Variants in CSMD1 observed in about 807,000 individuals in gnomAD.
CSMD1 encodes the protein CUB and Sushi multiple domains 1, also known as CUB and sushi domain-containing protein 1.
Under a neutral mutation model 417.5 loss-of-function variants are expected in CSMD1, and 213 were observed. The observed-to-expected ratio is 0.51, with a 90% CI of 0.46 to 0.57. CSMD1 has a LOEUF of 0.57. Among genes scored for constraint, CSMD1 ranks in the 20% least tolerant of loss-of-function variants. The probability of loss-of-function intolerance (pLI) is 0.00; values close to 1 mark genes in which losing one functional copy is unlikely to be tolerated. For synonymous variants in CSMD1, 2,862 were observed against 1,736.8 expected (o/e 1.65, Z -16.11); for missense variants, 6,923 against 4,529.7 (o/e 1.53, Z -15.17).
chr8:4,194,244 C>G (rs1043336820), intron 3 of CSMD1, among the ~76,000 whole-genome samples: 2 of 152,002 alleles, frequency 1.3e-5, no homozygotes, highest in Admixed American at 6.6e-5. Flanking sequence ...GCTTTTAACA[C>G]CAAATGAGGA....
intron 2 of CSMD1, among the ~76,000 whole-genome samples, chr8:4,526,383 A>G (rs1230598200): frequency 5.3e-5 from 8 of 152,242 alleles, no homozygotes; most frequent in African/African-American, 1.9e-4. Flanking sequence ...CTCCTCCTTC[A>G]ACAAGAATTG....
intron 3 of CSMD1, among the ~76,000 whole-genome samples, chr8:4,083,245 T>C (rs888247703): frequency 6.6e-6 from 1 of 152,138 alleles, no homozygotes; most frequent in Admixed American, 6.5e-5. Context: ...TGTAAAAGTG[T>C]TCTTATTTCT....
intron 3 of CSMD1, among the ~76,000 whole-genome samples, chr8:4,071,317 A>G (rs768321273): frequency 2.0e-5 from 3 of 152,034 alleles, no homozygotes; most frequent in Non-Finnish European, 4.4e-5. Flanking sequence ...TGATTAGATA[A>G]TTTCCATTGG....
At chr8:4,674,313 G>A (rs7843255) in intron 1 of CSMD1, among the ~76,000 whole-genome samples, 14,902 of 152,028 alleles carry the variant, frequency 0.098, 1,217 homozygotes, top group African/African-American at 0.23. Flanking sequence ...CTGGATTGAG[G>A]CTGAAAAAAA....
intron 1 of CSMD1, among the ~76,000 whole-genome samples, chr8:4,792,504 T>A (rs1391891819): frequency 6.6e-6 from 1 of 152,230 alleles, no homozygotes; most frequent in East Asian, 1.9e-4. Context: ...CCCTGGGCAG[T>A]TGTGGTTGCT....
At chr8:4,285,059 A>C (rs1051062830) in intron 3 of CSMD1, among the ~76,000 whole-genome samples, 1 of 152,194 alleles carries the variant, frequency 6.6e-6, no homozygotes, top group Non-Finnish European at 1.5e-5. Flanking sequence ...ATAACACAAT[A>C]GTCAGAATGA....
chr8:3,662,572 G>A (rs752034018), intron 7 of CSMD1, among the ~76,000 whole-genome samples: 2 of 152,192 alleles, frequency 1.3e-5, no homozygotes, highest in East Asian at 3.9e-4. Context: ...GGGATCGCTA[G>A]GTCAAATGGT....
At chr8:4,114,374 CCTA>C (rs1802021344) in intron 3 of CSMD1, among the ~76,000 whole-genome samples, 1 of 152,156 alleles carries the variant, frequency 6.6e-6, no homozygotes, top group Non-Finnish European at 1.5e-5. Flanking sequence ...ACTGTTGAGA[CCTA>C]CTGCTAGGAA....
chr8:4,658,460 G>C (rs1408551930), intron 1 of CSMD1, among the ~76,000 whole-genome samples: 1 of 152,044 alleles, frequency 6.6e-6, no homozygotes, highest in Non-Finnish European at 1.5e-5. Flanking sequence ...TTTTAAAGCA[G>C]TGACGCAAAA....
intron 3 of CSMD1, among the ~76,000 whole-genome samples, chr8:4,232,326 G>T (rs538400243): frequency 5.9e-5 from 9 of 151,936 alleles, no homozygotes; most frequent in Non-Finnish European, 1.0e-4. Context: ...AGCCTCCCTA[G>T]TACCTGGGAT....
At chr8:3,302,829 A>G (rs1346819832) in intron 25 of CSMD1, among the ~76,000 whole-genome samples, 1 of 152,082 alleles carries the variant, frequency 6.6e-6, no homozygotes, top group Non-Finnish European at 1.5e-5. Context: ...TATGGTTGGG[A>G]GCTGGTGTTA....
At chr8:2,955,015 A>G (rs1802902134) in intron 64 of CSMD1, among the ~76,000 whole-genome samples, 1 of 152,230 alleles carries the variant, frequency 6.6e-6, no homozygotes, top group Non-Finnish European at 1.5e-5. Flanking sequence ...AGCTATCGTC[A>G]AATCTGACCC....
intron 26 of CSMD1, among the ~76,000 whole-genome samples, chr8:3,236,683 C>A (rs73185532): frequency 0.084 from 12,833 of 152,212 alleles, 712 homozygotes; most frequent in Admixed American, 0.15. Context: ...ATTCCTCTTC[C>A]AGGGCTGTAT....
At chr8:4,868,568 A>C (rs1036773636) in intron 1 of CSMD1, among the ~76,000 whole-genome samples, 1 of 152,096 alleles carries the variant, frequency 6.6e-6, no homozygotes, top group South Asian at 2.1e-4. Flanking sequence ...CGTTATTATT[A>C]AAAAACCAAT....
chr8:4,531,753 A>G (rs1796827856), intron 2 of CSMD1, among the ~76,000 whole-genome samples: 1 of 152,204 alleles, frequency 6.6e-6, no homozygotes, highest in African/African-American at 2.4e-5. Context: ...TCACTCTCTA[A>G]AAGTATACAA....
At chr8:3,574,840 G>C (rs1564573) in intron 10 of CSMD1, 105 bp downstream of exon 10, 1 of 1,301,936 alleles carries the variant, frequency 7.7e-7, no homozygotes, top group Non-Finnish European at 1.0e-6. Context: ...AATTCAAACA[G>C]TAAAGTGTAA....
chr8:4,671,343 T>A (rs1379661585), intron 1 of CSMD1, among the ~76,000 whole-genome samples: 1 of 152,080 alleles, frequency 6.6e-6, no homozygotes, highest in African/African-American at 2.4e-5. Flanking sequence ...ACCTAATTGA[T>A]GCTGTTTATC....
chr8:3,004,385 G>C (rs1038789488), intron 52 of CSMD1, among the ~76,000 whole-genome samples: 1 of 152,130 alleles, frequency 6.6e-6, no homozygotes, highest in Non-Finnish European at 1.5e-5. Flanking sequence ...GTCAGAAATT[G>C]TCCTATTAAA....
At chr8:4,512,419 G>A (rs890416844) in intron 2 of CSMD1, among the ~76,000 whole-genome samples, 6 of 152,058 alleles carry the variant, frequency 3.9e-5, no homozygotes, top group East Asian at 1.9e-4. Flanking sequence ...TTCCAACATC[G>A]TAGCTAATGC....
Sources: gnomAD v4.1 joint callset for allele counts (sites outside exome capture counted in the v4.1 genomes callset) on GRCh38, gnomAD v4.1.1 for gene constraint, MANE v1.5 for transcripts, NCBI Gene and HGNC (gene_info 2026-07-23, HGNC 2026-07-21) for gene names.